SCN8A: variants seen among roughly 807,000 people sequenced by gnomAD.
SCN8A encodes sodium channel protein type 8 subunit alpha.
SCN8A carries 30 observed loss-of-function variants against 184.1 expected under a neutral mutation model. That is an observed-to-expected ratio of 0.16 (90% CI 0.12 to 0.22). The LOEUF (loss-of-function observed/expected upper bound fraction) is 0.22, where lower values mean the gene tolerates loss of function less well. SCN8A is among the 10% of genes least tolerant of loss of function. The probability of loss-of-function intolerance (pLI) is 1.00; values close to 1 mark genes in which losing one functional copy is unlikely to be tolerated. For synonymous variants in SCN8A, 852 were observed against 907.0 expected, an observed-to-expected ratio of 0.94 and a Z score of 1.09; for missense variants, 1,057 against 2,498.9, an observed-to-expected ratio of 0.42 and a Z score of 12.30.
chr12:51,811,487 G>C lies in SCN8A; in HGVS notation c.*4058G>C, dbSNP rs1410385159. 6.6e-6 allele frequency: 1 copy of C among 152,310 alleles called. No individual in the cohort carries two copies. Among genetic ancestry groups the C allele is most frequent in the African/African-American group, 2.4e-5 (1 of 41,454 alleles). The allele number at this position is 152,310 out of a possible 1,614,324, so 9.4% of individuals were successfully genotyped here. A position where few individuals can be genotyped will look rare whatever the true frequency, so the allele number is the denominator to read the frequency against. ...ACAAAAACAAAAAAACCCTATCCCT[G>C]TGCCCCAAAGCTAGGGCATGTGCGA... On this transcript the variant is annotated 3_prime_UTR_variant, in exon 27 of 27. Coordinates refer to ENST00000627620, the MANE Select transcript of SCN8A (RefSeq NM_001330260.2).
At chr12:51,593,229 T>A (rs751191090) in intron 1 of SCN8A, among the ~76,000 whole-genome samples, 1 of 152,150 alleles carries the variant, frequency 6.6e-6, no homozygotes, top group Non-Finnish European at 1.5e-5. Flanking sequence ...GCATTCCCTG[T>A]CCTAGAAATT....
chr12:51,785,370 C>T (rs1004378097), intron 21 of SCN8A, among the ~76,000 whole-genome samples: 3 of 152,100 alleles, frequency 2.0e-5, no homozygotes, highest in African/African-American at 7.2e-5. Flanking sequence ...AAATAACTGC[C>T]TCTCAGTCTA....
intron 26 of SCN8A, among the ~76,000 whole-genome samples, chr12:51,802,436 ATTC>A (rs1367972348): frequency 6.6e-6 from 1 of 152,166 alleles, no homozygotes; most frequent in Admixed American, 6.5e-5. Context: ...GCAGGGTCCC[ATTC>A]TTTTCCAATC....
chr12:51,676,279 A>T (rs1440271199), intron 2 of SCN8A, among the ~76,000 whole-genome samples: 1 of 152,234 alleles, frequency 6.6e-6, no homozygotes, highest in South Asian at 2.1e-4. Flanking sequence ...CTGGGGCTAT[A>T]TAATATAACC....
intron 11 of SCN8A, among the ~76,000 whole-genome samples, chr12:51,708,990 A>G (rs1334741887): frequency 1.3e-5 from 2 of 152,242 alleles, no homozygotes; most frequent in Admixed American, 6.5e-5. Context: ...GTGTTATTCC[A>G]TAATTGAGAT....
At chr12:51,614,754 G>T (rs1317896945) in intron 1 of SCN8A, among the ~76,000 whole-genome samples, 2 of 148,792 alleles carry the variant, frequency 1.3e-5, no homozygotes, top group East Asian at 2.0e-4. Context: ...TATTTAATGT[G>T]GGTTTCTGGT....
chr12:51,610,364 T>G (rs984795595), intron 1 of SCN8A, among the ~76,000 whole-genome samples: 2 of 152,150 alleles, frequency 1.3e-5, no homozygotes, highest in African/African-American at 4.8e-5. Flanking sequence ...TTAGGCCATT[T>G]ATATTCAATG....
chr12:51,716,980 C>G (rs1218048572), intron 11 of SCN8A, among the ~76,000 whole-genome samples: 1 of 152,174 alleles, frequency 6.6e-6, no homozygotes, highest in Non-Finnish European at 1.5e-5. Flanking sequence ...CAGAGCCTTC[C>G]AAAATTATTC....
chr12:51,785,138 C>T (rs539232037), intron 21 of SCN8A, among the ~76,000 whole-genome samples: 28 of 152,254 alleles, frequency 1.8e-4, no homozygotes, highest in Middle Eastern at 3.4e-3. Context: ...GGTGCTCCCG[C>T]CAAAGGGTGA....
chr12:51,745,596 C>A (rs1162182418), intron 12 of SCN8A, among the ~76,000 whole-genome samples: 1 of 152,106 alleles, frequency 6.6e-6, no homozygotes, highest in African/African-American at 2.4e-5. Flanking sequence ...ATGACAGTAC[C>A]CCAGGAGGAT....
intron 1 of SCN8A, among the ~76,000 whole-genome samples, chr12:51,639,561 C>T (rs1443724856): frequency 2.0e-5 from 3 of 151,312 alleles, no homozygotes; most frequent in African/African-American, 4.9e-5. Context: ...ACTATGGCTG[C>T]GCGCCACAGC....
chr12:51,636,209 G>T (rs565112155), intron 1 of SCN8A, among the ~76,000 whole-genome samples: 1 of 152,158 alleles, frequency 6.6e-6, no homozygotes, highest in Admixed American at 6.5e-5. Flanking sequence ...TGTTAGTTGG[G>T]GTGGTCTTGA....
rs1413253522 is a variant in SCN8A, at chr12:51,772,372, G to T, written c.3645+1689G>T. Among the ~76,000 whole-genome samples the T allele has an allele frequency of 2.1e-5, 3 of 143,816 alleles. No individual in the cohort carries two copies. The Admixed American group carries it at 2.2e-4, about 10-fold the overall frequency. 94.3% of individuals were successfully genotyped at this position (143,816 alleles called of 152,430 possible). Reference sequence around the variant, plus strand: ...ATTGCACCATTGCACTCCAGCCTGGGCAACAAGAGCGAAACTCCATCTCAA... The same window carrying T: ...ATTGCACCATTGCACTCCAGCCTGGTCAACAAGAGCGAAACTCCATCTCAA... On this transcript the variant is annotated intron_variant, in intron 19 of 26. Transcript: ENST00000627620.
intron 12 of SCN8A, among the ~76,000 whole-genome samples, chr12:51,729,813 ATCC>A (rs1484197749): frequency 2.0e-5 from 3 of 152,160 alleles, no homozygotes; most frequent in Non-Finnish European, 4.4e-5. Context: ...CTTGCTCCAC[ATCC>A]TAGCCAAACT....
At chr12:51,650,582 G>A (rs1940689261) in intron 1 of SCN8A, among the ~76,000 whole-genome samples, 1 of 147,270 alleles carries the variant, frequency 6.8e-6, no homozygotes, top group African/African-American at 2.5e-5. Flanking sequence ...TGATCTTGTT[G>A]GGAGCAGGCC....
At chr12:51,645,399 C>T (rs539081040) in intron 1 of SCN8A, among the ~76,000 whole-genome samples, 2,783 of 151,902 alleles carry the variant, frequency 0.018, 81 homozygotes, top group African/African-American at 0.063. Context: ...TGCCCGGCCG[C>T]GCCTACTGGG....
At chr12:51,593,663 C>T (rs750733772) in intron 1 of SCN8A, among the ~76,000 whole-genome samples, 1 of 152,126 alleles carries the variant, frequency 6.6e-6, no homozygotes, top group African/African-American at 2.4e-5. Flanking sequence ...GCGAAGTGCA[C>T]ACACACTGGA....
At chr12:51,674,407 A>G (rs1419448377) in intron 2 of SCN8A, among the ~76,000 whole-genome samples, 1 of 151,920 alleles carries the variant, frequency 6.6e-6, no homozygotes, top group Non-Finnish European at 1.5e-5. Flanking sequence ...GTCTCGGCTC[A>G]CTGCAACCTC....
chr12:51,721,503 C>A, intron 11 of SCN8A, 43 bp from the exon 12 acceptor site: 1 of 1,538,874 alleles, frequency 6.5e-7, no homozygotes, highest in Non-Finnish European at 8.8e-7. Context: ...ACACTCCCGT[C>A]TCATTTCCCC....
Sources: allele counts gnomAD v4.1 joint callset (sites outside exome capture counted in the v4.1 genomes callset), GRCh38; gene constraint gnomAD v4.1.1; transcripts MANE v1.5; gene names NCBI Gene and HGNC (gene_info 2026-07-23, HGNC 2026-07-21).